Variants in CIRSR observed in about 807,000 individuals in gnomAD.
The protein encoded by CIRSR is CBF1 (RBPJ) interacting corepressor 1.
the CIRSR span, chr2:174,381,744 G>A: frequency 6.3e-7 from 1 of 1,597,142 alleles, no homozygotes; most frequent in East Asian, 2.3e-5. Context: ...TGAAATTAAG[G>A]CCATTCTTTA....
chr2:174,393,215 A>C, the CIRSR span, among the ~76,000 whole-genome samples: 1 of 152,214 alleles, frequency 6.6e-6, no homozygotes, highest in Admixed American at 6.5e-5. Flanking sequence ...AGAAGACTAA[A>C]GAGCTTGGAC....
chr2:174,361,007 T>C, the CIRSR span, among the ~76,000 whole-genome samples: 1 of 152,184 alleles, frequency 6.6e-6, no homozygotes, highest in Non-Finnish European at 1.5e-5. Context: ...CATAAAAAAA[T>C]TTTAAACATC....
chr2:174,395,428 C>A, the CIRSR span: 4 of 952,240 alleles, frequency 4.2e-6, no homozygotes, highest in Non-Finnish European at 6.7e-6. Flanking sequence ...ACCACCAGGG[C>A]TTTAGGCCTA....
At chr2:174,395,082 A>C in the CIRSR span, among the ~76,000 whole-genome samples, 1 of 152,218 alleles carries the variant, frequency 6.6e-6, no homozygotes, top group African/African-American at 2.4e-5. Context: ...CAACTGGTAG[A>C]CCTGTAATTA....
At chr2:174,354,948 A>G in the CIRSR span, among the ~76,000 whole-genome samples, 1 of 150,690 alleles carries the variant, frequency 6.6e-6, no homozygotes, top group Non-Finnish European at 1.5e-5. Flanking sequence ...CATAATACAA[A>G]AAAATGCTCT....
chr2:174,353,088 A>G, the CIRSR span, among the ~76,000 whole-genome samples: 1 of 152,224 alleles, frequency 6.6e-6, no homozygotes, highest in Non-Finnish European at 1.5e-5. Context: ...TGGACTTTCC[A>G]GGCTTTACCA....
chr2:174,367,788 A>G, the CIRSR span, among the ~76,000 whole-genome samples: 2 of 151,198 alleles, frequency 1.3e-5, no homozygotes, highest in Non-Finnish European at 2.9e-5. Flanking sequence ...AGATAAAAAA[A>G]AAAAAAAGAC....
the CIRSR span, chr2:174,350,593 T>C: frequency 1.0e-6 from 1 of 994,712 alleles, no homozygotes; most frequent in Non-Finnish European, 1.5e-6. Flanking sequence ...AGGATCAGAG[T>C]TGAATACGAT....
chr2:174,356,519 G>T, the CIRSR span, among the ~76,000 whole-genome samples: 2 of 89,762 alleles, frequency 2.2e-5, no homozygotes, highest in Non-Finnish European at 5.8e-5. Context: ...AAGGAAGAAA[G>T]AAAGAAAGAA....
chr2:174,384,732 G>GA, the CIRSR span, among the ~76,000 whole-genome samples: 30 of 149,974 alleles, frequency 2.0e-4, no homozygotes, highest in Non-Finnish European at 2.7e-4. Context: ...CATTTATATT[G>GA]AAAAAAAATA....
At chr2:174,394,709 G>A in the CIRSR span, among the ~76,000 whole-genome samples, 24 of 152,220 alleles carry the variant, frequency 1.6e-4, no homozygotes, top group South Asian at 4.1e-3. Context: ...AGAGTATATA[G>A]CAGTATCTCA....
At chr2:174,351,155 T>A in the CIRSR span, among the ~76,000 whole-genome samples, 1 of 152,234 alleles carries the variant, frequency 6.6e-6, no homozygotes, top group Non-Finnish European at 1.5e-5. Context: ...ATTTTAGCTT[T>A]TATTATAATT....
the CIRSR span, among the ~76,000 whole-genome samples, chr2:174,372,725 G>C: frequency 6.6e-6 from 1 of 152,078 alleles, no homozygotes; most frequent in Admixed American, 6.6e-5. Context: ...TGGGATTACA[G>C]GCGCCACCAC....
chr2:174,348,038 T>C, the CIRSR span: 2 of 156,072 alleles, frequency 1.3e-5, no homozygotes, highest in African/African-American at 2.4e-5. Context: ...GTCTTAAAGA[T>C]TTATTAATCC....
chr2:174,390,081 GA>G, the CIRSR span, among the ~76,000 whole-genome samples: 3 of 152,204 alleles, frequency 2.0e-5, no homozygotes, highest in Non-Finnish European at 4.4e-5. Context: ...CTGCCTAGTG[GA>G]GCTGCGAGAA....
At chr2:174,359,954 G>A in the CIRSR span, among the ~76,000 whole-genome samples, 10 of 152,104 alleles carry the variant, frequency 6.6e-5, no homozygotes, top group South Asian at 2.1e-4. Flanking sequence ...GCAAACTATC[G>A]CAAGGACAGA....
At chr2:174,376,133 T>C in the CIRSR span, among the ~76,000 whole-genome samples, 202 of 152,316 alleles carry the variant, frequency 1.3e-3, 4 homozygotes, top group African/African-American at 4.5e-3. Flanking sequence ...CGTGCTGGGA[T>C]TACAGGCAAG....
the CIRSR span, chr2:174,387,638 C>T: frequency 6.5e-7 from 1 of 1,531,666 alleles, no homozygotes; most frequent in Non-Finnish European, 8.8e-7. Flanking sequence ...AAATTATTCC[C>T]ATGAAATTGA....
the CIRSR span, among the ~76,000 whole-genome samples, chr2:174,354,617 TTTATATATTATATAATATATA>T: frequency 2.6e-5 from 2 of 76,906 alleles, no homozygotes; most frequent in South Asian, 3.0e-4. Context: ...TATTATATAT[TTTATATATTATATAATATATA>T]TTATATATTT....
Sources: gnomAD v4.1 joint callset for allele counts (sites outside exome capture counted in the v4.1 genomes callset) on GRCh38, gnomAD v4.1.1 for gene constraint, MANE v1.5 for transcripts, NCBI Gene and HGNC (gene_info 2026-07-23, HGNC 2026-07-21) for gene names.